Variants in ALKAL2 observed in about 807,000 individuals in gnomAD.
ALKAL2 encodes the protein ALK and LTK ligand 2.
A neutral mutation model predicts 18.5 loss-of-function variants in ALKAL2; 8 were observed. That is an observed-to-expected ratio of 0.43 (90% confidence interval 0.25 to 0.78). ALKAL2 has a LOEUF of 0.78. Ranked by LOEUF, ALKAL2 falls within the 30% of genes least tolerant of loss-of-function variation. The probability of loss-of-function intolerance (pLI) is 0.22; values close to 1 mark genes in which losing one functional copy is unlikely to be tolerated. For missense variants in ALKAL2, 241 were observed against 211.2 expected, an observed-to-expected ratio of 1.14 and a Z score of -0.88; for synonymous variants, 135 against 95.8, an observed-to-expected ratio of 1.41 and a Z score of -2.39.
chr2:283,944 T>C (rs1431431820), intron 4 of ALKAL2, among the ~76,000 whole-genome samples: 2 of 152,230 alleles, frequency 1.3e-5, no homozygotes, highest in African/African-American at 4.8e-5. Context: ...GTGTACGATA[T>C]GTTAGTTAAG....
At chr2:282,439 A>C (rs2103081423) in intron 5 of ALKAL2, among the ~76,000 whole-genome samples, 1 of 152,354 alleles carries the variant, frequency 6.6e-6, no homozygotes, top group South Asian at 2.1e-4. Flanking sequence ...AAATTGGTGA[A>C]ATTACAGTTG....
intron 2 of ALKAL2, chr2:287,143 G>T (rs1422831155): frequency 6.5e-6 from 1 of 154,972 alleles, no homozygotes; most frequent in Non-Finnish European, 1.4e-5. Context: ...CTAACTTGAC[G>T]CAGCCGGGAT....
At chr2:286,591 G>C (rs1453474164) in intron 2 of ALKAL2, 2 of 438,142 alleles carry the variant, frequency 4.6e-6, no homozygotes, top group South Asian at 9.8e-5. Flanking sequence ...TGTCTACCCC[G>C]TGGGATGCAG....
At chr2:283,396 G>GT (rs1178746752) in intron 4 of ALKAL2, 7 of 985,310 alleles carry the variant, frequency 7.1e-6, no homozygotes, top group African/African-American at 3.5e-5. Context: ...GTCGGATGAT[G>GT]TAAGTGGGGC....
At chr2:282,071 C>G (rs974205287) in intron 5 of ALKAL2, among the ~76,000 whole-genome samples, 21 of 152,204 alleles carry the variant, frequency 1.4e-4, no homozygotes, top group African/African-American at 4.8e-4. Flanking sequence ...CCTCCCTCCC[C>G]CAGTGCCATT....
chr2:287,382 G>T (rs1217550379), intron 2 of ALKAL2: 3 of 422,314 alleles, frequency 7.1e-6, no homozygotes, highest in African/African-American at 4.2e-5. Context: ...ACGCGCGCCA[G>T]AAGGAGACCA....
At chr2:281,380 T>C (rs561581387) in intron 5 of ALKAL2, among the ~76,000 whole-genome samples, 1 of 152,308 alleles carries the variant, frequency 6.6e-6, no homozygotes, top group South Asian at 2.1e-4. Context: ...GCCTGGGCCT[T>C]GTCTTGTTAC....
chr2:284,996 TAA>T (rs1251410347), intron 4 of ALKAL2, among the ~76,000 whole-genome samples: 1 of 152,148 alleles, frequency 6.6e-6, no homozygotes, highest in Non-Finnish European at 1.5e-5. Flanking sequence ...ACCAAGAATA[TAA>T]AAACTCTTCA....
chr2:284,976 G>GCACAT (rs1558268819), intron 4 of ALKAL2, among the ~76,000 whole-genome samples: 6 of 152,174 alleles, frequency 3.9e-5, no homozygotes, highest in African/African-American at 1.4e-4. Flanking sequence ...ATGGAAGGGT[G>GCACAT]GGGCCCAGCA....
chr2:288,014 T>A lies in ALKAL2; in HGVS notation c.-59A>T, dbSNP rs1467136437. The A allele has an allele frequency of 8.2e-7, 1 of 1,224,892 alleles. No homozygotes were observed. Among genetic ancestry groups the A allele is most frequent in the Admixed American group, 4.4e-5 (1 of 22,826 alleles). The allele number at this position is 1,224,892 out of a possible 1,614,324, so 75.9% of individuals were successfully genotyped here. On this transcript the variant is annotated splice_region_variant and 5_prime_UTR_variant, in exon 1 of 6. Transcript: ENST00000403610. ...CTGGCGCTGGACCCGGCCCCTCACCTCCGCGGACCCCGAGGAACAAGCCGG... is the reference window on the plus strand; with the variant it reads ...CTGGCGCTGGACCCGGCCCCTCACCACCGCGGACCCCGAGGAACAAGCCGG...
chr2:280,025 A>G lies in ALKAL2; in HGVS notation c.*122T>C, dbSNP rs765983695. ...ACAAAACTCAAAGGACTTATGGAAG[A>G]GTCTGTCTGCAAAAATAAATCTCTT... On this transcript the variant is annotated 3_prime_UTR_variant, in exon 6 of 6. Transcript: ENST00000403610. The G allele has an allele frequency of 1.6e-5, 17 of 1,079,012 alleles. No individual in the cohort carries two copies. Among genetic ancestry groups the G allele is most frequent in the African/African-American group, 3.1e-5 (2 of 64,612 alleles). 66.8% of individuals were successfully genotyped at this position (1,079,012 alleles called of 1,614,324 possible).
In ALKAL2 at chr2:280,132, TC is replaced by T. The variant is rs772698560; in HGVS notation, c.*14del. ...CTTCTCATGGCTCCTGGTGTGCTGC[TC>T]CTGTACGGTCTGCTCACTGCTGAAA... On this transcript the variant is annotated 3_prime_UTR_variant, in exon 6 of 6. Transcript: ENST00000403610. 6.2e-7 allele frequency: 1 copy of T among 1,614,012 alleles called. No individual in the cohort carries two copies. Among genetic ancestry groups the T allele is most frequent in the South Asian group, 1.1e-5 (1 of 91,082 alleles).
Position 287,704 on chromosome 2 carries a change from G to T in ALKAL2, c.132C>A (p.Leu44=). 6.8e-7 allele frequency: 1 copy of T among 1,478,730 alleles called. No homozygotes were observed. Among genetic ancestry groups the T allele is most frequent in the African/African-American group, 1.5e-5 (1 of 68,486 alleles). 91.6% of individuals were successfully genotyped at this position (1,478,730 alleles called of 1,614,324 possible). A position where few individuals can be genotyped will look rare whatever the true frequency, so the allele number is the denominator to read the frequency against. The change falls in exon 2 of 6, where the codon CTC becomes CTA. Residue 44 remains leucine, a synonymous_variant. Coordinates refer to ENST00000403610, the MANE Select transcript of ALKAL2 (RefSeq NM_001002919.3). ...AGTGGTGCTTCCGCAGCTCCTGGAC[G>T]AGTTCCACCACCAGCCGCAGCAGCG... The part of the protein sequence containing the change: ...GQALLRLVVE[L]VQELRKHHSA...
In ALKAL2 at chr2:280,140, G is replaced by C. The variant is rs368472956; in HGVS notation, c.*7C>G. ...GGCTCCTGGTGTGCTGCTCCTGTAC[G>C]GTCTGCTCACTGCTGAAAACAAATA... On this transcript the variant is annotated 3_prime_UTR_variant, in exon 6 of 6. Coordinates refer to ENST00000403610, the MANE Select transcript of ALKAL2 (RefSeq NM_001002919.3). 7 of 1,613,734 alleles carry C rather than the reference G, an allele frequency of 4.3e-6. No homozygotes were observed. In the African/African-American group the frequency reaches 9.3e-5, roughly 22 times the overall value.
At chr2:285,060 G>C (rs1648446171) in intron 4 of ALKAL2, among the ~76,000 whole-genome samples, 1 of 152,166 alleles carries the variant, frequency 6.6e-6, no homozygotes, top group African/African-American at 2.4e-5. Flanking sequence ...TAAAGGTATG[G>C]TCAGAGGGGC....
chr2:280,758 G>T (rs990949410), intron 5 of ALKAL2, among the ~76,000 whole-genome samples: 1 of 152,182 alleles, frequency 6.6e-6, no homozygotes, highest in Non-Finnish European at 1.5e-5. Context: ...CTGTTAGGGA[G>T]GGTTGGTGGG....
intron 4 of ALKAL2, chr2:283,650 GA>G: frequency 1.1e-6 from 1 of 949,582 alleles, no homozygotes; most frequent in Non-Finnish European, 1.3e-6. Flanking sequence ...AGTGGATGGC[GA>G]GCGGAAGCAA....
At chr2:285,098 C>T (rs113410704) in intron 4 of ALKAL2, among the ~76,000 whole-genome samples, 70 of 152,240 alleles carry the variant, frequency 4.6e-4, no homozygotes, top group Non-Finnish European at 6.2e-4. Flanking sequence ...CATCTTTGTG[C>T]GGTGATGTGA....
chr2:284,788 C>T (rs369091791), intron 4 of ALKAL2, among the ~76,000 whole-genome samples: 1 of 152,126 alleles, frequency 6.6e-6, no homozygotes, highest in African/African-American at 2.4e-5. Context: ...GAGGTCACTT[C>T]CAAATTTGGA....
Sources: gnomAD v4.1 joint callset for allele counts (sites outside exome capture counted in the v4.1 genomes callset) on GRCh38, gnomAD v4.1.1 for gene constraint, MANE v1.5 for transcripts, NCBI Gene and HGNC (gene_info 2026-07-23, HGNC 2026-07-21) for gene names.